The following RBFOX3 variants were observed in gnomAD, a reference collection of about 807,000 sequenced individuals.
RBFOX3 encodes RNA binding fox-1 homolog 3, also known as RNA binding protein fox-1 homolog 3.
In RBFOX3, 17 loss-of-function variants were observed where a neutral mutation model predicts 48.7. The observed-to-expected ratio is 0.35, with a 90% CI of 0.24 to 0.52. The LOEUF is 0.52. Among genes scored for constraint, RBFOX3 ranks in the 20% least tolerant of loss-of-function variants. The pLI is 0.94. For synonymous variants in RBFOX3, 212 were observed against 209.5 expected (o/e 1.01, Z -0.10); for missense variants, 382 against 497.5 (o/e 0.77, Z 2.21).
chr17:79,614,203 GC>G (rs2093985528), upstream of RBFOX3, among the ~76,000 whole-genome samples: 1 of 152,240 alleles, frequency 6.6e-6, no homozygotes, highest in African/African-American at 2.4e-5. Context: ...TCCTCGGATA[GC>G]CCCTCTGGAG....
intron 2 of RBFOX3, among the ~76,000 whole-genome samples, chr17:79,353,074 T>A (rs1412975936): frequency 6.6e-6 from 1 of 152,248 alleles, no homozygotes; most frequent in East Asian, 1.9e-4. Context: ...ACCTGATGTA[T>A]CTGCTGCACA....
In RBFOX3 at chr17:79,288,977, G is replaced by C. The variant is rs1025828518; in HGVS notation, c.-74+18747C>G. Among the ~76,000 whole-genome samples the C allele has an allele frequency of 7.2e-5, 11 of 152,282 alleles. No individual in the cohort carries two copies. The East Asian group carries it at 9.7e-4, about 13-fold the overall frequency. Reference sequence around the variant, plus strand: ...TGGAATACAGTAGCAGGGAATGAGGGGGTGAGCCCCAGGGACTGGGGTGGG... The same window carrying C: ...TGGAATACAGTAGCAGGGAATGAGGCGGTGAGCCCCAGGGACTGGGGTGGG... On this transcript the variant is annotated intron_variant, in intron 3 of 14. Transcript: ENST00000693108.
chr17:79,190,440 C>CT (rs1024817953), intron 4 of RBFOX3, among the ~76,000 whole-genome samples: 1 of 128,136 alleles, frequency 7.8e-6, no homozygotes, highest in Non-Finnish European at 1.7e-5. Context: ...AACAAAAAAA[C>CT]AGAGTGAAGA....
upstream of RBFOX3, among the ~76,000 whole-genome samples, chr17:79,613,571 C>T (rs2093982968): frequency 6.6e-6 from 1 of 152,202 alleles, no homozygotes; most frequent in African/African-American, 2.4e-5. Flanking sequence ...TGGTAATAAT[C>T]ATTAGGAGAG....
At chr17:79,351,634 C>T (rs1350321822) in intron 2 of RBFOX3, among the ~76,000 whole-genome samples, 1 of 152,124 alleles carries the variant, frequency 6.6e-6, no homozygotes, top group Non-Finnish European at 1.5e-5. Context: ...TGTATGTCTG[C>T]TTTGGAGAAA....
intron 1 of RBFOX3, among the ~76,000 whole-genome samples, chr17:79,563,320 T>A (rs1055678974): frequency 2.0e-3 from 301 of 152,212 alleles, no homozygotes; most frequent in African/African-American, 6.7e-3. Context: ...GATCAGACTG[T>A]CCCTTCAGAG....
chr17:79,230,387 G>C (rs909385550), intron 4 of RBFOX3, among the ~76,000 whole-genome samples: 1 of 152,102 alleles, frequency 6.6e-6, no homozygotes, highest in Non-Finnish European at 1.5e-5. Context: ...AGCCTCCAGA[G>C]TAGCTGGGAC....
intron 1 of RBFOX3, among the ~76,000 whole-genome samples, chr17:79,607,462 G>A (rs1175182600): frequency 6.6e-6 from 1 of 152,138 alleles, no homozygotes; most frequent in Non-Finnish European, 1.5e-5. Flanking sequence ...GCAGTTTCGC[G>A]TTCAGCACTG....
At position 79,140,419 on chromosome 17, in the gene RBFOX3, C is replaced by T. The variant is rs540669514; in HGVS notation, c.-33-24671G>A. 4.6e-5 allele frequency among the ~76,000 whole-genome samples: 7 copies of T among 152,366 alleles called. No homozygotes were observed. The South Asian group carries it at 1.4e-3, about 32-fold the overall frequency. ...AGCTGAGATGCCACTGCCTCCTGGG[C>T]ACCAATCACACACCTGTCTCCAGGT... On this transcript the variant is annotated intron_variant, in intron 4 of 14. Coordinates refer to ENST00000693108, the MANE Select transcript of RBFOX3 (RefSeq NM_001350451.2).
intron 2 of RBFOX3, among the ~76,000 whole-genome samples, chr17:79,322,525 C>A (rs1381704472): frequency 1.3e-5 from 2 of 152,168 alleles, no homozygotes; most frequent in Non-Finnish European, 2.9e-5. Context: ...GAGCTGAGGA[C>A]CTGGCTGGAG....
At chr17:79,138,606 A>ACACACG (rs2040839376) in intron 4 of RBFOX3, among the ~76,000 whole-genome samples, 6 of 136,350 alleles carry the variant, frequency 4.4e-5, no homozygotes, top group Admixed American at 7.7e-5. Flanking sequence ...CCCCTCACCC[A>ACACACG]CACACACATA....
chr17:79,639,181 T>C, the RBFOX3 span, among the ~76,000 whole-genome samples: 2 of 152,028 alleles, frequency 1.3e-5, no homozygotes, highest in Non-Finnish European at 1.5e-5. Context: ...TTTTTATTGT[T>C]TATTTTTTTT....
At chr17:79,335,415 G>T (rs772165022) in intron 2 of RBFOX3, among the ~76,000 whole-genome samples, 1 of 152,160 alleles carries the variant, frequency 6.6e-6, no homozygotes, top group African/African-American at 2.4e-5. Flanking sequence ...TCACATGCAC[G>T]TTTTGCTATT....
intron 10 of RBFOX3, 64 bp downstream of exon 10, chr17:79,097,628 C>A: frequency 7.1e-7 from 1 of 1,404,524 alleles, no homozygotes; most frequent in South Asian, 1.3e-5. Context: ...CCCCCAGAGC[C>A]CCCGGAGCCC....
the RBFOX3 span, among the ~76,000 whole-genome samples, chr17:79,650,523 A>C: frequency 1.9e-4 from 29 of 152,228 alleles, no homozygotes; most frequent in African/African-American, 7.0e-4. Context: ...ACTGAGGCGC[A>C]TTTCCACTAG....
Position 79,567,180 on chromosome 17 carries a change from C to CT in RBFOX3, c.-320+43645dup, listed in dbSNP as rs1159762873. On this transcript the variant is annotated intron_variant, in intron 1 of 14. Coordinates refer to ENST00000693108, the MANE Select transcript of RBFOX3 (RefSeq NM_001350451.2). Reference sequence around the variant, plus strand: ...TGCTATTTTTTTTCTTTCTTTCTTTCTTTTTTTTTTTTTTTTTTTTTGAGA... The same window carrying CT: ...TGCTATTTTTTTTCTTTCTTTCTTTCTTTTTTTTTTTTTTTTTTTTTTGAGA... 2.4e-3 allele frequency among the ~76,000 whole-genome samples: 221 copies of CT among 92,054 alleles called. 1 individual carries two copies. Among genetic ancestry groups the CT allele is most frequent in the Middle Eastern group, 8.5e-3 (1 of 118 alleles). The allele number at this position is 92,054 out of a possible 152,430, so 60.4% of individuals were successfully genotyped here. A position where few individuals can be genotyped will look rare whatever the true frequency, so the allele number is the denominator to read the frequency against.
intron 4 of RBFOX3, among the ~76,000 whole-genome samples, chr17:79,213,794 G>A (rs2058675672): frequency 6.6e-6 from 1 of 152,204 alleles, no homozygotes; most frequent in Non-Finnish European, 1.5e-5. Context: ...GGGAACATTT[G>A]TACCCCAAGG....
chr17:79,268,802 C>A (rs1419020622), intron 3 of RBFOX3, among the ~76,000 whole-genome samples: 1 of 152,176 alleles, frequency 6.6e-6, no homozygotes, highest in Non-Finnish European at 1.5e-5. Flanking sequence ...CCGCTGCCTG[C>A]CACCCTCTTT....
intron 4 of RBFOX3, among the ~76,000 whole-genome samples, chr17:79,157,601 C>CTA (rs1438269317): frequency 1.3e-5 from 2 of 152,216 alleles, no homozygotes; most frequent in Non-Finnish European, 2.9e-5. Context: ...CCCTAAGTCC[C>CTA]TAAAAGCTGA....
Sources: gnomAD v4.1 joint callset for allele counts (sites outside exome capture counted in the v4.1 genomes callset) on GRCh38, gnomAD v4.1.1 for gene constraint, MANE v1.5 for transcripts, NCBI Gene and HGNC (gene_info 2026-07-23, HGNC 2026-07-21) for gene names.